FRMD4A: variants seen among roughly 807,000 people sequenced by gnomAD.
FRMD4A encodes FERM domain containing 4A, also known as FERM domain-containing protein 4A.
A neutral mutation model predicts 129.1 loss-of-function variants in FRMD4A; 29 were observed. The ratio of observed to expected loss-of-function variants is 0.22; its 90% CI spans 0.17 to 0.31. FRMD4A has a LOEUF of 0.31. FRMD4A is among the 10% of genes least tolerant of loss of function. The probability of loss-of-function intolerance (pLI) is 1.00; values close to 1 mark genes in which losing one functional copy is unlikely to be tolerated. For synonymous variants in FRMD4A, 634 were observed against 571.6 expected (o/e 1.11, Z -1.56); for missense variants, 1,272 against 1,375.8 (o/e 0.92, Z 1.19).
intron 6 of FRMD4A, among the ~76,000 whole-genome samples, chr10:13,774,629 G>T (rs2092551565): frequency 1.3e-5 from 2 of 152,092 alleles, no homozygotes; most frequent in East Asian, 3.9e-4. Context: ...TGATATTCGG[G>T]GTTCCCCAGG....
chr10:14,203,893 G>C (rs978451828), intron 2 of FRMD4A, among the ~76,000 whole-genome samples: 1 of 152,108 alleles, frequency 6.6e-6, no homozygotes, highest in African/African-American at 2.4e-5. Flanking sequence ...TCAGCCAATC[G>C]TTCTTCCTCT....
intron 2 of FRMD4A, among the ~76,000 whole-genome samples, chr10:13,993,297 G>A (rs901360336): frequency 1.6e-4 from 25 of 152,284 alleles, no homozygotes; most frequent in African/African-American, 4.1e-4. Flanking sequence ...TTTAGCCAAC[G>A]TTTCCATCAG....
intron 3 of FRMD4A, among the ~76,000 whole-genome samples, chr10:13,829,249 G>A (rs952722405): frequency 6.6e-6 from 1 of 152,206 alleles, no homozygotes; most frequent in Non-Finnish European, 1.5e-5. Flanking sequence ...TTCCGGCAGG[G>A]CATGGTGGCT....
chr10:14,085,368 A>G (rs1836205722), intron 2 of FRMD4A, among the ~76,000 whole-genome samples: 1 of 152,290 alleles, frequency 6.6e-6, no homozygotes, highest in Non-Finnish European at 1.5e-5. Flanking sequence ...GAGCCGATGG[A>G]TGTAAAGAAC....
intron 2 of FRMD4A, among the ~76,000 whole-genome samples, chr10:13,955,430 T>C (rs1219811939): frequency 1.3e-5 from 2 of 152,172 alleles, no homozygotes; most frequent in East Asian, 1.9e-4. Flanking sequence ...TAAATGCCAT[T>C]TGATGATGGG....
chr10:13,901,232 C>T (rs1215576335), intron 2 of FRMD4A, among the ~76,000 whole-genome samples: 1 of 152,216 alleles, frequency 6.6e-6, no homozygotes, highest in Non-Finnish European at 1.5e-5. Context: ...CCTTCTCGTG[C>T]CTAGCACAAA....
chr10:13,865,382 C>T (rs1214161515), intron 2 of FRMD4A, among the ~76,000 whole-genome samples: 1 of 145,360 alleles, frequency 6.9e-6, no homozygotes, highest in Non-Finnish European at 1.5e-5. Context: ...TACTATCAGG[C>T]TTACTTTATT....
intron 2 of FRMD4A, among the ~76,000 whole-genome samples, chr10:14,235,261 G>T (rs7893470): frequency 0.75 from 96,153 of 128,958 alleles, 38,812 homozygotes; most frequent in South Asian, 0.88. Flanking sequence ...GCCATTCTCC[G>T]GCCTCAGCCT....
intron 2 of FRMD4A, among the ~76,000 whole-genome samples, chr10:13,944,814 G>C (rs1231856251): frequency 6.6e-6 from 1 of 152,216 alleles, no homozygotes; most frequent in Non-Finnish European, 1.5e-5. Context: ...TGCCTTCTCT[G>C]TCTGTGCACA....
chr10:13,871,051 G>C (rs568674451), intron 2 of FRMD4A: 2 of 158,830 alleles, frequency 1.3e-5, no homozygotes, highest in South Asian at 2.0e-4. Flanking sequence ...GCATGCTTGT[G>C]AGCCAGCCAA....
chr10:14,126,388 C>T (rs891610766), intron 2 of FRMD4A, among the ~76,000 whole-genome samples: 9 of 152,128 alleles, frequency 5.9e-5, no homozygotes, highest in Non-Finnish European at 7.4e-5. Flanking sequence ...CCAGGATTGT[C>T]TTGATCTCTT....
intron 2 of FRMD4A, among the ~76,000 whole-genome samples, chr10:14,300,967 GA>G (rs1325276255): frequency 1.3e-5 from 2 of 152,152 alleles, no homozygotes; most frequent in Non-Finnish European, 2.9e-5. Context: ...TTTACAATGG[GA>G]GCTTTGGGCC....
chr10:13,920,447 T>C (rs764193568), intron 2 of FRMD4A, among the ~76,000 whole-genome samples: 11 of 152,240 alleles, frequency 7.2e-5, no homozygotes, highest in Non-Finnish European at 1.5e-4. Context: ...TGTTAAATAC[T>C]TTCATCCAGA....
intron 2 of FRMD4A, among the ~76,000 whole-genome samples, chr10:13,930,857 G>A (rs543150677): frequency 6.6e-6 from 1 of 151,966 alleles, no homozygotes; most frequent in South Asian, 2.1e-4. Context: ...TTTTAAGTCG[G>A]TGTCTTGCTC....
At chr10:14,291,031 CTG>C (rs1845835577) in intron 2 of FRMD4A, among the ~76,000 whole-genome samples, 1 of 152,072 alleles carries the variant, frequency 6.6e-6, no homozygotes, top group South Asian at 2.1e-4. Context: ...AAAACCCAAA[CTG>C]TGATATTTTT....
intron 8 of FRMD4A, among the ~76,000 whole-genome samples, chr10:13,750,109 GAAGAAAGAAAGAAAGAAAGA>G (rs137911059): frequency 2.7e-5 from 2 of 73,612 alleles, no homozygotes; most frequent in African/African-American, 1.2e-4. Flanking sequence ...AGAAAGAAAT[GAAGAAAGAAAGAAAGAAAGA>G]AAGAAAGAAA....
intron 2 of FRMD4A, among the ~76,000 whole-genome samples, chr10:14,172,683 G>A (rs1841537851): frequency 6.6e-6 from 1 of 152,206 alleles, no homozygotes; most frequent in Non-Finnish European, 1.5e-5. Context: ...AAGTGAGCTA[G>A]GATGCCAGTG....
chr10:13,683,054 G>C (rs1476183844), intron 15 of FRMD4A, among the ~76,000 whole-genome samples: 9 of 151,120 alleles, frequency 6.0e-5, no homozygotes, highest in African/African-American at 2.4e-5. Context: ...GGGCTCTTTG[G>C]ATCACCCAGG....
chr10:14,082,057 C>T (rs1238175207), intron 2 of FRMD4A, among the ~76,000 whole-genome samples: 1 of 152,120 alleles, frequency 6.6e-6, no homozygotes, highest in Non-Finnish European at 1.5e-5. Flanking sequence ...ACCATTCTGG[C>T]TAACATGGTG....
Sources: gnomAD v4.1 joint callset for allele counts (sites outside exome capture counted in the v4.1 genomes callset) on GRCh38, gnomAD v4.1.1 for gene constraint, MANE v1.5 for transcripts, NCBI Gene and HGNC (gene_info 2026-07-23, HGNC 2026-07-21) for gene names.